ADAM12: variants seen among roughly 807,000 people sequenced by gnomAD.
ADAM12 encodes the protein disintegrin and metalloproteinase domain-containing protein 12.
In ADAM12, 70 loss-of-function variants were observed where a neutral mutation model predicts 106.4. That is an observed-to-expected ratio of 0.66 (90% CI 0.54 to 0.80). The LOEUF is 0.80. ADAM12 is among the 30% of genes least tolerant of loss of function. ADAM12 has a pLI of 0.00. For synonymous variants in ADAM12, 420 were observed against 433.5 expected (o/e 0.97, Z 0.39); for missense variants, 1,010 against 1,171.9 (o/e 0.86, Z 2.02).
At chr10:126,032,582 T>TGTTA (rs1387833963) in intron 21 of ADAM12, among the ~76,000 whole-genome samples, 1 of 152,210 alleles carries the variant, frequency 6.6e-6, no homozygotes, top group African/African-American at 2.4e-5. Flanking sequence ...TAACATGGTC[T>TGTTA]GTTAGCCCCA....
intron 12 of ADAM12, among the ~76,000 whole-genome samples, chr10:126,067,950 C>A (rs1954905840): frequency 6.6e-6 from 1 of 152,116 alleles, no homozygotes; most frequent in Admixed American, 6.6e-5. Flanking sequence ...ATGGCAAACC[C>A]AGATACTGAA....
chr10:126,239,696 G>A (rs901488222), intron 3 of ADAM12, among the ~76,000 whole-genome samples: 7 of 152,162 alleles, frequency 4.6e-5, no homozygotes, highest in Non-Finnish European at 4.4e-5. Flanking sequence ...ATGACATAGT[G>A]CACGTTTGCA....
chr10:126,338,542 G>A (rs555523944), intron 1 of ADAM12, among the ~76,000 whole-genome samples: 6 of 152,218 alleles, frequency 3.9e-5, no homozygotes, highest in Non-Finnish European at 7.3e-5. Flanking sequence ...GTGAGCCACC[G>A]CGCCCGGCCT....
chr10:126,023,815 C>T (rs1010578104), intron 21 of ADAM12, among the ~76,000 whole-genome samples: 8 of 151,916 alleles, frequency 5.3e-5, no homozygotes. Flanking sequence ...GTACTGCCTC[C>T]AGGCACCTGG....
At chr10:126,095,571 A>ATGGG (rs1227320475) in intron 10 of ADAM12, among the ~76,000 whole-genome samples, 7 of 148,326 alleles carry the variant, frequency 4.7e-5, no homozygotes, top group African/African-American at 1.7e-4. Context: ...TGATTGGGTC[A>ATGGG]TGGGGACTCT....
chr10:126,366,687 C>G (rs1855923009), intron 1 of ADAM12, among the ~76,000 whole-genome samples: 1 of 151,898 alleles, frequency 6.6e-6, no homozygotes, highest in African/African-American at 2.4e-5. Flanking sequence ...GCACTTTGAG[C>G]ATAAATATAG....
intron 3 of ADAM12, among the ~76,000 whole-genome samples, chr10:126,191,152 C>A (rs1478335386): frequency 2.6e-5 from 4 of 151,808 alleles, no homozygotes; most frequent in Non-Finnish European, 4.4e-5. Flanking sequence ...CAGGCGCCTG[C>A]CACCACGCCC....
intron 21 of ADAM12, among the ~76,000 whole-genome samples, chr10:126,032,470 A>G (rs889197910): frequency 5.3e-5 from 8 of 152,206 alleles, no homozygotes; most frequent in African/African-American, 1.9e-4. Flanking sequence ...TAGTTTCATA[A>G]AACAGAATGA....
intron 5 of ADAM12, among the ~76,000 whole-genome samples, chr10:126,128,396 G>T (rs1956240908): frequency 6.6e-6 from 1 of 152,218 alleles, no homozygotes; most frequent in South Asian, 2.1e-4. Flanking sequence ...AGGATGCCAT[G>T]CCTTAGTTGG....
chr10:126,046,801 CAAA>C (rs60056450), intron 16 of ADAM12, among the ~76,000 whole-genome samples: 21 of 49,906 alleles, frequency 4.2e-4, no homozygotes, highest in East Asian at 3.2e-3. Flanking sequence ...GATTCCGTCT[CAAA>C]AAAAAAAAAA....
intron 3 of ADAM12, among the ~76,000 whole-genome samples, chr10:126,190,989 C>CTT (rs1957488604): frequency 0.04 from 2,753 of 68,706 alleles, 1,062 homozygotes; most frequent in Non-Finnish European, 0.079. Flanking sequence ...GGAGTTTTGT[C>CTT]CTTTTTTTTT....
intron 3 of ADAM12, among the ~76,000 whole-genome samples, chr10:126,223,779 A>G (rs1054025885): frequency 1.1e-4 from 16 of 152,230 alleles, no homozygotes; most frequent in African/African-American, 3.6e-4. Context: ...GAGCCTCAGC[A>G]GCAACACTCC....
chr10:126,132,224 C>T (rs111688507), intron 5 of ADAM12, among the ~76,000 whole-genome samples: 3,266 of 152,262 alleles, frequency 0.021, 112 homozygotes, highest in African/African-American at 0.074. Flanking sequence ...CCACCCGCCT[C>T]GGCCTCCCAA....
chr10:126,311,094 T>TACACACACACACACACAC lies in ADAM12; in HGVS notation c.186+19300_186+19317dup, dbSNP rs67514376. On this transcript the variant is annotated intron_variant, in intron 2 of 22. Coordinates refer to ENST00000448723, the MANE Select transcript of ADAM12 (RefSeq NM_001288973.2). Reference sequence around the variant, plus strand: ...CTTCCTCATTATACATACACACAAATACACACACACACACACACACACACA... The same window carrying TACACACACACACACACAC: ...CTTCCTCATTATACATACACACAAATACACACACACACACACACACACACACACACACACACACACACA... 2.5e-4 allele frequency among the ~76,000 whole-genome samples: 34 copies of TACACACACACACACACAC among 138,334 alleles called. 1 individual carries two copies. The highest frequency in any genetic ancestry group is 4.1e-4 in the Non-Finnish European group (26 of 63,918). The allele number at this position is 138,334 out of a possible 152,430, so 90.8% of individuals were successfully genotyped here. A position where few individuals can be genotyped will look rare whatever the true frequency, so the allele number is the denominator to read the frequency against.
intron 9 of ADAM12, among the ~76,000 whole-genome samples, chr10:126,099,604 T>C (rs1955621662): frequency 6.6e-6 from 1 of 152,206 alleles, no homozygotes. Context: ...TGACTCAAAA[T>C]ACATAAAATG....
At chr10:126,344,833 T>C (rs1009005008) in intron 1 of ADAM12, among the ~76,000 whole-genome samples, 1 of 152,172 alleles carries the variant, frequency 6.6e-6, no homozygotes, top group African/African-American at 2.4e-5. Context: ...TTGTCTGTTA[T>C]TGGTGTATAA....
chr10:126,034,346 C>T (rs1193570823), intron 21 of ADAM12, among the ~76,000 whole-genome samples: 1 of 152,136 alleles, frequency 6.6e-6, no homozygotes. Context: ...AGGAAAACCC[C>T]ACATAACAGA....
chr10:126,309,835 T>G (rs1436569919), intron 2 of ADAM12, among the ~76,000 whole-genome samples: 3 of 152,074 alleles, frequency 2.0e-5, no homozygotes, highest in Non-Finnish European at 4.4e-5. Flanking sequence ...GAACTGCAGG[T>G]AAAGATTTTG....
chr10:126,085,300 G>A (rs183106540), intron 11 of ADAM12, among the ~76,000 whole-genome samples: 54 of 152,288 alleles, frequency 3.5e-4, no homozygotes, highest in African/African-American at 9.6e-4. Context: ...GTAGAATGAT[G>A]TGGAATAAAC....
Sources: allele counts gnomAD v4.1 joint callset (sites outside exome capture counted in the v4.1 genomes callset), GRCh38; gene constraint gnomAD v4.1.1; transcripts MANE v1.5; gene names NCBI Gene and HGNC (gene_info 2026-07-23, HGNC 2026-07-21).